DOCK1: variants seen among roughly 807,000 people sequenced by gnomAD.
DOCK1 encodes the protein dedicator of cytokinesis protein 1.
A neutral mutation model predicts 262.7 loss-of-function variants in DOCK1; 138 were observed. The ratio of observed to expected loss-of-function variants is 0.53; its 90% CI spans 0.46 to 0.61. The LOEUF (loss-of-function observed/expected upper bound fraction) is 0.61. Ranked by LOEUF, DOCK1 falls within the 20% of genes least tolerant of loss-of-function variation. The pLI is 0.00. For missense variants in DOCK1, 1,908 were observed against 2,370.7 expected (o/e 0.80, Z 4.05); for synonymous variants, 866 against 867.4 (o/e 1.00, Z 0.03).
intron 35 of DOCK1, among the ~76,000 whole-genome samples, chr10:127,379,734 T>A (rs2065725411): frequency 6.6e-6 from 1 of 152,230 alleles, no homozygotes; most frequent in Non-Finnish European, 1.5e-5. Flanking sequence ...TTTATTTATG[T>A]ATTCATTTAT....
intron 33 of DOCK1, among the ~76,000 whole-genome samples, chr10:127,373,352 G>A (rs2134032475): frequency 6.6e-6 from 1 of 152,172 alleles, no homozygotes; most frequent in Admixed American, 6.5e-5. Flanking sequence ...CCCCTAGGAT[G>A]TTTTCAGATT....
At chr10:127,261,901 CAT>C (rs543892468) in intron 29 of DOCK1, among the ~76,000 whole-genome samples, 1,425 of 88,398 alleles carry the variant, frequency 0.016, 34 homozygotes, top group East Asian at 0.12. Context: ...TGTGTGTGTG[CAT>C]GTGTGTGTGT....
intron 29 of DOCK1, among the ~76,000 whole-genome samples, chr10:127,294,602 G>A (rs533608302): frequency 9.6e-4 from 146 of 151,470 alleles, no homozygotes; most frequent in Middle Eastern, 7.0e-3. Context: ...GACTACAGGC[G>A]TGAGCCACCA....
At chr10:127,190,117 C>A (rs1181899288) in intron 27 of DOCK1, among the ~76,000 whole-genome samples, 1 of 152,202 alleles carries the variant, frequency 6.6e-6, no homozygotes, top group Non-Finnish European at 1.5e-5. Flanking sequence ...TTATTTGCTT[C>A]TTTTACCCTA....
chr10:127,299,324 G>A (rs1223562638), intron 29 of DOCK1, among the ~76,000 whole-genome samples: 2 of 152,170 alleles, frequency 1.3e-5, no homozygotes, highest in Non-Finnish European at 2.9e-5. Flanking sequence ...GGCTGGTATT[G>A]AACTCCTGAC....
rs144893841 is a variant in DOCK1 at position 127,286,775 on chromosome 10, C to T, written c.3044+29346C>T. On this transcript the variant is annotated intron_variant, in intron 29 of 51. Transcript: ENST00000623213. Reference sequence around the variant, plus strand: ...TACATAGTTCCTATAGTTTGCCCAACTTAGTATCTAAACAAGGTAAAAATA... The same window carrying T: ...TACATAGTTCCTATAGTTTGCCCAATTTAGTATCTAAACAAGGTAAAAATA... Among the ~76,000 whole-genome samples the T allele has an allele frequency of 3.2e-3, 492 of 151,906 alleles. 1 individual carries two copies. The highest frequency in any genetic ancestry group is 0.01 in the Middle Eastern group (3 of 290).
At position 127,122,629 on chromosome 10, in the gene DOCK1, AT is replaced by A. The variant is rs34009633; in HGVS notation, c.2624-2829del. 8.6e-3 allele frequency among the ~76,000 whole-genome samples: 1,250 copies of A among 144,656 alleles called. 4 individuals carry two copies. Among genetic ancestry groups the A allele is most frequent in the Admixed American group, 0.013 (186 of 14,530 alleles). The allele number at this position is 144,656 out of a possible 152,430, so 94.9% of individuals were successfully genotyped here. ...CTGGTCTATCAGGATGGTTATAACA[AT>A]TTTTTTTTTTTTTTTACATCTTCTT... On this transcript the variant is annotated intron_variant, in intron 25 of 51. Coordinates refer to ENST00000623213, the MANE Select transcript of DOCK1 (RefSeq NM_001290223.2).
chr10:127,075,840 C>G (rs1386830073), intron 23 of DOCK1, among the ~76,000 whole-genome samples: 1 of 152,198 alleles, frequency 6.6e-6, no homozygotes, highest in Non-Finnish European at 1.5e-5. Context: ...CAGAACCAAA[C>G]CATATCACTC....
intron 6 of DOCK1, among the ~76,000 whole-genome samples, chr10:126,992,775 GACAC>G (rs796635231): frequency 3.0e-5 from 4 of 134,896 alleles, no homozygotes; most frequent in Admixed American, 8.0e-5. Flanking sequence ...GACAGACACA[GACAC>G]ACACACACAG....
chr10:127,305,454 T>G (rs1165083786), intron 29 of DOCK1, among the ~76,000 whole-genome samples: 1 of 152,142 alleles, frequency 6.6e-6, no homozygotes, highest in Non-Finnish European at 1.5e-5. Flanking sequence ...GATTTTTGTG[T>G]TCCTCGAGTG....
intron 38 of DOCK1, among the ~76,000 whole-genome samples, chr10:127,385,488 T>G (rs1456381831): frequency 6.6e-6 from 1 of 152,232 alleles, no homozygotes; most frequent in Non-Finnish European, 1.5e-5. Flanking sequence ...GAAGTGACAT[T>G]GGAACTCCTT....
At chr10:127,324,231 G>A (rs11017316) in intron 29 of DOCK1, among the ~76,000 whole-genome samples, 7,395 of 152,322 alleles carry the variant, frequency 0.049, 217 homozygotes, top group Non-Finnish European at 0.072. Context: ...AAGATCACCC[G>A]TCTCAAATTC....
At chr10:127,362,948 T>C (rs368896221) in intron 33 of DOCK1, among the ~76,000 whole-genome samples, 1,490 of 8,904 alleles carry the variant, frequency 0.17, 2 homozygotes, top group Middle Eastern at 0.42. Flanking sequence ...CCCACACACA[T>C]ACACATGTGC....
intron 27 of DOCK1, among the ~76,000 whole-genome samples, chr10:127,158,527 C>T (rs61874028): frequency 0.011 from 1,742 of 152,272 alleles, 13 homozygotes; most frequent in Middle Eastern, 0.038. Context: ...TAACTCCATG[C>T]GTGATACAAT....
At chr10:127,352,424 C>T (rs939677098) in intron 31 of DOCK1, among the ~76,000 whole-genome samples, 1 of 152,042 alleles carries the variant, frequency 6.6e-6, no homozygotes, top group Non-Finnish European at 1.5e-5. Context: ...CTGAATTACC[C>T]AAACCGCAAG....
rs555420137 is a variant in DOCK1, at chr10:127,246,683, G to A, written c.2848-1325G>A. 8.5e-5 allele frequency among the ~76,000 whole-genome samples: 13 copies of A among 152,274 alleles called. No homozygotes were observed. In the South Asian group the frequency reaches 1.0e-3, roughly 12 times the overall value. ...TGTGTTTGTTCAATTTGAGTAATGC[G>A]TCCTTCGAGGACTCATTTGGAAGTA... On this transcript the variant is annotated intron_variant, in intron 27 of 51. Coordinates refer to ENST00000623213, the MANE Select transcript of DOCK1 (RefSeq NM_001290223.2).
chr10:127,023,228 A>G lies in DOCK1; in HGVS notation c.1356A>G (p.Thr452=), dbSNP rs2042573832. 6.8e-6 allele frequency: 11 copies of G among 1,613,872 alleles called. No individual in the cohort carries two copies. The highest frequency in any genetic ancestry group is 8.5e-6 in the Non-Finnish European group (10 of 1,179,888). ...PGDVRNDIYV[T]LVQGDFDKGS... ...ATGTTCGAAATGATATCTATGTAAC[A>G]TTAGTTCAAGGAGATTTTGATAAAG... The change falls in exon 14 of 52, where the codon ACA becomes ACG. Residue 452 remains threonine, a synonymous_variant. Coordinates refer to ENST00000623213, the MANE Select transcript of DOCK1 (RefSeq NM_001290223.2).
At chr10:127,319,093 A>T (rs1021291068) in intron 29 of DOCK1, among the ~76,000 whole-genome samples, 2 of 152,224 alleles carry the variant, frequency 1.3e-5, no homozygotes, top group Non-Finnish European at 2.9e-5. Flanking sequence ...CAAGGACAAC[A>T]AAGGAGAAGA....
At chr10:127,223,798 C>G (rs2058530970) in intron 27 of DOCK1, among the ~76,000 whole-genome samples, 1 of 152,034 alleles carries the variant, frequency 6.6e-6, no homozygotes, top group South Asian at 2.1e-4. Flanking sequence ...CTTTTTAGGC[C>G]TTAGCACCTT....
Sources: gnomAD v4.1 joint callset for allele counts (sites outside exome capture counted in the v4.1 genomes callset) on GRCh38, gnomAD v4.1.1 for gene constraint, MANE v1.5 for transcripts, NCBI Gene and HGNC (gene_info 2026-07-23, HGNC 2026-07-21) for gene names.